Variants in ABCA13 observed in about 807,000 individuals in gnomAD.
ABCA13 encodes the protein ATP binding cassette subfamily A member 13.
Under a neutral mutation model 478.7 loss-of-function variants are expected in ABCA13, and 476 were observed. The ratio of observed to expected loss-of-function variants is 0.99; its 90% CI spans 0.92 to 1.07. The LOEUF (loss-of-function observed/expected upper bound fraction) is 1.07. Ranked by LOEUF, ABCA13 falls within the 50% of genes least tolerant of loss-of-function variation. The pLI is 0.00. For synonymous variants in ABCA13, 2,252 were observed against 2,158.9 expected, an observed-to-expected ratio of 1.04 and a Z score of -1.20; for missense variants, 6,060 against 5,910.6, an observed-to-expected ratio of 1.03 and a Z score of -0.83.
At chr7:48,257,243 A>G (rs1422657492) in intron 15 of ABCA13, among the ~76,000 whole-genome samples, 1 of 151,938 alleles carries the variant, frequency 6.6e-6, no homozygotes, top group Non-Finnish European at 1.5e-5. Flanking sequence ...CAAGGATAAA[A>G]CTATCCCTGT....
At chr7:48,302,653 A>G (rs868007031) in intron 23 of ABCA13, among the ~76,000 whole-genome samples, 1 of 152,184 alleles carries the variant, frequency 6.6e-6, no homozygotes, top group Non-Finnish European at 1.5e-5. Flanking sequence ...AGCTCCATCC[A>G]TGTCCCTCCA....
intron 27 of ABCA13, among the ~76,000 whole-genome samples, chr7:48,334,697 C>T (rs1805966359): frequency 6.6e-6 from 1 of 152,164 alleles, no homozygotes; most frequent in Non-Finnish European, 1.5e-5. Flanking sequence ...GTTTGCTGTG[C>T]TGGCTGCTTT....
In ABCA13 at chr7:48,272,488, T is replaced by C. The variant is rs371532056; in HGVS notation, c.2822T>C (p.Val941Ala). Residue 941 changes from valine to alanine, a missense_variant, in exon 17 of 62, where the codon GTT becomes GCT. Val to Ala is a moderately conservative substitution (Grantham distance 64). Coordinates refer to ENST00000435803, the MANE Select transcript of ABCA13 (RefSeq NM_152701.5). ...CTTTCTGAACCACAAAAACAAGAAG[T>C]TGATAAAATTTTGACTCACATACAC... The part of the protein sequence containing the change: ...SALSEPQKQE[V>A]DKILTHIHLN... The C allele has an allele frequency of 5.0e-6, 8 of 1,613,642 alleles. No individual in the cohort carries two copies. The African/African-American group carries it at 8.0e-5, about 16-fold the overall frequency.
At chr7:48,270,626 G>A (rs1795472627) in intron 16 of ABCA13, among the ~76,000 whole-genome samples, 1 of 152,076 alleles carries the variant, frequency 6.6e-6, no homozygotes, top group South Asian at 2.1e-4. Context: ...TTTCAAAGAA[G>A]CCATTCTGTC....
chr7:48,288,686 C>A (rs139329545), intron 20 of ABCA13, among the ~76,000 whole-genome samples: 51 of 152,234 alleles, frequency 3.4e-4, no homozygotes, highest in Admixed American at 3.3e-3. Context: ...ACCAGCCCAA[C>A]ACTGGCTCTA....
rs1368679787 is a variant in ABCA13, at chr7:48,463,571, T to G, written c.12816-3385T>G. On this transcript the variant is annotated intron_variant, in intron 43 of 61. Coordinates refer to ENST00000435803, the MANE Select transcript of ABCA13 (RefSeq NM_152701.5). ...GATGCTCTGCTCCTGTTCTTCACAT[T>G]GCATTCATATGTGGCCTGGCCTGTA... Among the ~76,000 whole-genome samples the G allele has an allele frequency of 2.6e-5, 4 of 152,148 alleles. No individual in the cohort carries two copies. The South Asian group carries it at 6.2e-4, about 24-fold the overall frequency.
At position 48,271,818 on chromosome 7, in the gene ABCA13, AT is replaced by A; in HGVS notation, c.2153del (p.Met718ArgfsTer13). ...AAATTTCACAAAGCACCTTCTAATG[AT>A]GGAAAAGAAGTTGCACACCCTTGAG... ...ALNFTKHLLM[M>X]EKKLHTLEDE... On this transcript the variant is annotated frameshift_variant, in exon 17 of 62. Coordinates refer to ENST00000435803, the MANE Select transcript of ABCA13 (RefSeq NM_152701.5). LOFTEE classifies it high-confidence loss of function. 1.3e-6 allele frequency: 2 copies of A among 1,544,216 alleles called. No individual in the cohort carries two copies. Among genetic ancestry groups the A allele is most frequent in the Non-Finnish European group, 1.7e-6 (2 of 1,144,018 alleles).
chr7:48,406,509 C>A (rs1192992511), intron 39 of ABCA13, among the ~76,000 whole-genome samples: 1 of 152,134 alleles, frequency 6.6e-6, no homozygotes, highest in East Asian at 1.9e-4. Flanking sequence ...GGAAGCGCAG[C>A]TTTTGGAGGA....
At position 48,481,077 on chromosome 7, in the gene ABCA13, C is replaced by A. The variant is rs1191492757; in HGVS notation, c.13017C>A (p.Asn4339Lys). ...GTGCTAGTGCTCCCTACCTGACCAA[C>A]CACCTGGGCCACACACTGTTGAATC... ...NRSASAPYLTNHLGHTLLNLS... is the reference protein window; with the variant it reads ...NRSASAPYLTKHLGHTLLNLS... The change falls in exon 46 of 62, where the codon AAC becomes AAA. Residue 4339 changes from asparagine (N) to lysine (K), a missense_variant. Transcript: ENST00000435803. The A allele has an allele frequency of 2.5e-6, 4 of 1,603,136 alleles. No homozygotes were observed. The highest frequency in any genetic ancestry group is 2.3e-5 in the South Asian group (2 of 88,162).
chr7:48,365,912 G>A (rs1175990463), intron 31 of ABCA13, among the ~76,000 whole-genome samples: 1 of 152,066 alleles, frequency 6.6e-6, no homozygotes, highest in East Asian at 1.9e-4. Flanking sequence ...TTGTTAAAAT[G>A]TCTACATTAC....
chr7:48,481,814 G>A (rs575897684), intron 46 of ABCA13, among the ~76,000 whole-genome samples: 1 of 152,180 alleles, frequency 6.6e-6, no homozygotes, highest in Admixed American at 6.5e-5. Context: ...TTGAAGGTGG[G>A]AACTTGTGTG....
intron 27 of ABCA13, among the ~76,000 whole-genome samples, chr7:48,329,783 G>A (rs553350433): frequency 5.0e-5 from 7 of 139,654 alleles, no homozygotes; most frequent in Admixed American, 1.4e-4. Flanking sequence ...TCATCCACCC[G>A]TCTATCCACC....
intron 1 of ABCA13, among the ~76,000 whole-genome samples, chr7:48,185,945 A>G (rs1352230167): frequency 6.6e-6 from 1 of 152,032 alleles, no homozygotes; most frequent in East Asian, 1.9e-4. Context: ...AATCCTCTCA[A>G]TCATTGATTG....
At chr7:48,362,859 T>C (rs1811101159) in intron 31 of ABCA13, among the ~76,000 whole-genome samples, 2 of 152,260 alleles carry the variant, frequency 1.3e-5, no homozygotes, top group South Asian at 2.1e-4. Flanking sequence ...AAGACACTTA[T>C]ACTAATATTC....
At chr7:48,515,220 T>A (rs1314761739) in intron 51 of ABCA13, among the ~76,000 whole-genome samples, 1 of 152,218 alleles carries the variant, frequency 6.6e-6, no homozygotes, top group Non-Finnish European at 1.5e-5. Context: ...GTGATACATT[T>A]ACCTTGAGTG....
chr7:48,249,818 A>G (rs1792263744), intron 15 of ABCA13, among the ~76,000 whole-genome samples: 1 of 152,204 alleles, frequency 6.6e-6, no homozygotes, highest in African/African-American at 2.4e-5. Flanking sequence ...CTGTGACCAT[A>G]TGTGTGGATT....
At chr7:48,345,842 C>T (rs369979052) in intron 29 of ABCA13, among the ~76,000 whole-genome samples, 20 of 152,340 alleles carry the variant, frequency 1.3e-4, no homozygotes, top group Admixed American at 3.9e-4. Flanking sequence ...CTCACTGCCT[C>T]ATCAGAGCAA....
chr7:48,564,485 T>C, intron 55 of ABCA13, among the ~76,000 whole-genome samples: 1 of 151,460 alleles, frequency 6.6e-6, no homozygotes, highest in Non-Finnish European at 1.5e-5. Context: ...TATGGTAAAG[T>C]AACCTGTGCT....
Position 48,227,286 on chromosome 7 carries a change from G to C in ABCA13, c.493G>C (p.Val165Leu), listed in dbSNP as rs768796159. ...GATGGATCTCAATAAGACCGAGGAG[G>C]TAATATTGAAACTGGAAAGCCTCCA... ...FTMDLNKTEE[V>L]ILKLESLHQQ... is the part of the protein sequence containing the mutation. Residue 165 changes from valine to leucine, a missense_variant, in exon 6 of 62, where the codon GTA becomes CTA. Around this residue, in one of 3 missense-constraint regions of ABCA13, gnomAD observed 4,423 missense variants for 4,309.1 expected, o/e 1.03. Coordinates refer to ENST00000435803, the MANE Select transcript of ABCA13 (RefSeq NM_152701.5). 6.2e-7 allele frequency: 1 copy of C among 1,613,658 alleles called. No homozygotes were observed. The highest frequency in any genetic ancestry group is 1.1e-5 in the South Asian group (1 of 91,070).
Sources: allele counts gnomAD v4.1 joint callset (sites outside exome capture counted in the v4.1 genomes callset), GRCh38; gene constraint gnomAD v4.1.1; regional missense constraint gnomAD v4.1.1; transcripts MANE v1.5; gene names NCBI Gene and HGNC (gene_info 2026-07-23, HGNC 2026-07-21).